Variants in SPTBN1 observed in about 807,000 individuals in gnomAD.
SPTBN1 encodes the protein spectrin beta, non-erythrocytic 1.
SPTBN1 carries 32 observed loss-of-function variants against 266.4 expected under a neutral mutation model. The ratio of observed to expected loss-of-function variants is 0.12; its 90% CI spans 0.09 to 0.16. The LOEUF (loss-of-function observed/expected upper bound fraction) is 0.16, where lower values mean the gene tolerates loss of function less well. Among genes scored for constraint, SPTBN1 ranks in the 10% least tolerant of loss-of-function variants. The probability of loss-of-function intolerance (pLI) is 1.00; values close to 1 mark genes in which losing one functional copy is unlikely to be tolerated. For synonymous variants in SPTBN1, 1,336 were observed against 1,162.2 expected (o/e 1.15, Z -3.04); for missense variants, 2,296 against 3,067.1 (o/e 0.75, Z 5.94).
At chr2:54,607,616 CA>C (rs568501443) in intron 3 of SPTBN1, among the ~76,000 whole-genome samples, 12 of 146,478 alleles carry the variant, frequency 8.2e-5, no homozygotes, top group African/African-American at 1.8e-4. Context: ...GACTCTGTCT[CA>C]AAAAAAAAAT....
intron 17 of SPTBN1, among the ~76,000 whole-genome samples, chr2:54,633,722 T>C (rs1238541813): frequency 6.6e-6 from 1 of 152,176 alleles, no homozygotes. Flanking sequence ...TTCAAGTGTG[T>C]TGGAAAGGAA....
At chr2:54,508,472 G>C (rs1350766012) in intron 1 of SPTBN1, among the ~76,000 whole-genome samples, 3 of 152,200 alleles carry the variant, frequency 2.0e-5, no homozygotes, top group Non-Finnish European at 2.9e-5. Flanking sequence ...TGATTTCCTT[G>C]AGGATAGATT....
In SPTBN1 at chr2:54,653,758, C is replaced by T. The variant is rs766307454; in HGVS notation, c.5727C>T (p.Asp1909=). 1 of 1,614,214 alleles carries T rather than the reference C, an allele frequency of 6.2e-7. No individual in the cohort carries two copies. The highest frequency in any genetic ancestry group is 8.5e-7 in the Non-Finnish European group (1 of 1,180,042). Reference sequence around the variant, plus strand: ...AGAGCCGCAGGGTGCGGCTGGTGGACACAGGGGACAAGTTCCGCTTCTTCA... The same window carrying T: ...AGAGCCGCAGGGTGCGGCTGGTGGATACAGGGGACAAGTTCCGCTTCTTCA... ...ACESRRVRLV[D]TGDKFRFFSM... is the part of the protein sequence containing the mutation. Residue 1909 remains aspartate, a synonymous_variant, in exon 27 of 36, where the codon GAC becomes GAT. Coordinates refer to ENST00000356805, the MANE Select transcript of SPTBN1 (RefSeq NM_003128.3). The surrounding 1 kb of genome is among the most constrained non-coding windows in gnomAD (Gnocchi z 5.1).
chr2:54,628,852 T>C lies in SPTBN1; in HGVS notation c.1799-81T>C. On this transcript the variant is annotated intron_variant, in intron 13 of 35. Coordinates refer to ENST00000356805, the MANE Select transcript of SPTBN1 (RefSeq NM_003128.3). This position sits in a 1 kb window ranked among gnomAD's most constrained non-coding sequence, Gnocchi z 4.3. ...AGCTGGTAATCATAAGAATATGGGG[T>C]GTAGCTTACTGCCTGCCAGTGAGCC... The C allele has an allele frequency of 1.3e-6, 2 of 1,489,372 alleles. No homozygotes were observed. The highest frequency in any genetic ancestry group is 2.8e-5 in the African/African-American group (2 of 71,296). 92.3% of individuals were successfully genotyped at this position (1,489,372 alleles called of 1,614,324 possible). A position where few individuals can be genotyped will look rare whatever the true frequency, so the allele number is the denominator to read the frequency against.
rs1678687029 is a variant in SPTBN1 at position 54,630,876 on chromosome 2, G to C, written c.2829G>C (p.Leu943=). 1 of 1,597,866 alleles carries C rather than the reference G, an allele frequency of 6.3e-7. No individual in the cohort carries two copies. The highest frequency in any genetic ancestry group is 8.5e-7 in the Non-Finnish European group (1 of 1,170,674). ...ACAGGTGGAGCCAGTTCAGAGAACT[G>C]GTTGACAGGAAGAAGGATGCCCTCC... The part of the protein sequence containing the change: ...LNTRWSQFRE[L]VDRKKDALLS... The change falls in exon 16 of 36, where the codon CTG becomes CTC. Residue 943 remains leucine, a synonymous_variant. Transcript: ENST00000356805.
chr2:54,548,684 T>G (rs1672390334), intron 2 of SPTBN1, among the ~76,000 whole-genome samples: 2 of 152,154 alleles, frequency 1.3e-5, no homozygotes. Context: ...TAGCTTGCTT[T>G]GTAACTCTGG....
intron 32 of SPTBN1, chr2:54,662,240 C>T: frequency 1.0e-6 from 1 of 985,396 alleles, no homozygotes; most frequent in Non-Finnish European, 1.2e-6. Context: ...TGATGTGTGT[C>T]TCTAGTGGTG....
rs142711774 is a variant in SPTBN1, at chr2:54,664,517, A to G, written c.6485A>G (p.Lys2162Arg). 2.4e-5 allele frequency: 38 copies of G among 1,614,020 alleles called. No individual in the cohort carries two copies. Among genetic ancestry groups the G allele is most frequent in the Non-Finnish European group, 3.1e-5 (36 of 1,180,042 alleles). Residue 2162 changes from lysine (K) to arginine (R), a missense_variant, in exon 33 of 36, where the codon AAA (lysine) becomes AGA (arginine). By Grantham distance (26) the Lys-to-Arg change is conservative. Around this residue, in one of 12 missense-constraint regions of SPTBN1, gnomAD observed 347 missense variants for 368.5 expected, o/e 0.94. Transcript: ENST00000356805. This position sits in a 1 kb window ranked among gnomAD's most constrained non-coding sequence, Gnocchi z 5.6. ...GCTACAGAACAAAGGACGAGCTCTA[A>G]AGAGTCCAGCCCCATCCCCTCCCCG... ...NGATEQRTSS[K>R]ESSPIPSPTS...
chr2:54,630,694 G>A (rs750585054), intron 15 of SPTBN1, among the ~76,000 whole-genome samples, 161 bp from the exon 16 acceptor site: 45 of 152,120 alleles, frequency 3.0e-4, no homozygotes, highest in Admixed American at 1.3e-3. Context: ...ATTATATTTG[G>A]TGTTCACAGT....
chr2:54,538,511 G>A (rs1375549184), intron 2 of SPTBN1, among the ~76,000 whole-genome samples: 1 of 152,242 alleles, frequency 6.6e-6, no homozygotes, highest in African/African-American at 2.4e-5. Flanking sequence ...TGAAAGTGTT[G>A]TGATACTTCC....
In SPTBN1 at chr2:54,628,373, A is replaced by T. The variant is rs1305611786; in HGVS notation, c.1798+123A>T. 8.0e-7 allele frequency: 1 copy of T among 1,255,482 alleles called. No homozygotes were observed. The highest frequency in any genetic ancestry group is 1.5e-5 in the African/African-American group (1 of 65,102). 77.8% of individuals were successfully genotyped at this position (1,255,482 alleles called of 1,614,324 possible). ...TTCCTGGTGGGTTTGTCATGGGAGC[A>T]TGAAATACGGTGGAGTGGCCTTCTG... On this transcript the variant is annotated intron_variant, in intron 13 of 35. Coordinates refer to ENST00000356805, the MANE Select transcript of SPTBN1 (RefSeq NM_003128.3). This position sits in a 1 kb window ranked among gnomAD's most constrained non-coding sequence, Gnocchi z 4.3.
chr2:54,465,977 A>G (rs1357199202), intron 1 of SPTBN1, among the ~76,000 whole-genome samples: 3 of 152,170 alleles, frequency 2.0e-5, no homozygotes, highest in African/African-American at 4.8e-5. Flanking sequence ...TTGTTTGAAG[A>G]AGCTTTCAGG....
At chr2:54,521,999 G>T (rs1670470548) in intron 1 of SPTBN1, among the ~76,000 whole-genome samples, 1 of 152,012 alleles carries the variant, frequency 6.6e-6, no homozygotes, top group South Asian at 2.1e-4. Context: ...CCTGGCTCGA[G>T]TGGTCCTCCT....
chr2:54,612,157 C>G lies in SPTBN1; in HGVS notation c.301-4C>G. 3 of 1,585,436 alleles carry G rather than the reference C, an allele frequency of 1.9e-6. No homozygotes were observed. Among genetic ancestry groups the G allele is most frequent in the Non-Finnish European group, 2.6e-6 (3 of 1,162,002 alleles). ...TGTCTCTACCTCTGCTCTCCTGTTT[C>G]TAGCCTAAACCCACCAAGGGACGAA... On this transcript the variant is annotated splice_polypyrimidine_tract_variant and splice_region_variant and intron_variant, in intron 3 of 35. Transcript: ENST00000356805.
rs373629113 is a variant in SPTBN1, at chr2:54,637,797, T to C, written c.3852T>C (p.Cys1284=). The stretch of plus-strand genomic sequence containing the variant: ...ATCTACAGAAATTCCTGCAAGATTG[T>C]CAAGAGGTATGTTACTCTTTAATCC... The part of the protein sequence containing the change: ...NRDLQKFLQD[C]QELSLWINEK... Residue 1284 remains cysteine (C), a synonymous_variant, in exon 18 of 36, where the codon TGT becomes TGC. Coordinates refer to ENST00000356805, the MANE Select transcript of SPTBN1 (RefSeq NM_003128.3). 1 of 1,613,542 alleles carries C rather than the reference T, an allele frequency of 6.2e-7. No individual in the cohort carries two copies. Among genetic ancestry groups the C allele is most frequent in the Non-Finnish European group, 8.5e-7 (1 of 1,179,570 alleles).
intron 2 of SPTBN1, among the ~76,000 whole-genome samples, chr2:54,596,379 A>G (rs1258233141): frequency 1.3e-5 from 2 of 152,210 alleles, no homozygotes; most frequent in Admixed American, 6.5e-5. Flanking sequence ...TTCCAACTTC[A>G]TAAGCATTTG....
chr2:54,525,188 A>G (rs1381543621), intron 1 of SPTBN1, among the ~76,000 whole-genome samples: 2 of 152,234 alleles, frequency 1.3e-5, no homozygotes, highest in East Asian at 3.8e-4. Flanking sequence ...AAGAATAGCA[A>G]GCGTGTATTG....
chr2:54,480,966 T>C (rs1010511441), intron 1 of SPTBN1, among the ~76,000 whole-genome samples: 1 of 152,168 alleles, frequency 6.6e-6, no homozygotes, highest in African/African-American at 2.4e-5. Flanking sequence ...TTTTGGGTCA[T>C]TTATATTTCA....
chr2:54,482,473 C>A (rs1306775591), intron 1 of SPTBN1, among the ~76,000 whole-genome samples: 1 of 152,124 alleles, frequency 6.6e-6, no homozygotes, highest in Admixed American at 6.5e-5. Flanking sequence ...CCAGGACTTG[C>A]AAGAGGTCCT....
Sources: allele counts gnomAD v4.1 joint callset (sites outside exome capture counted in the v4.1 genomes callset), GRCh38; gene constraint gnomAD v4.1.1; regional missense constraint gnomAD v4.1.1; non-coding constraint Gnocchi (gnomAD v3.1); transcripts MANE v1.5; gene names NCBI Gene and HGNC (gene_info 2026-07-23, HGNC 2026-07-21).